The following YIPF7 variants were observed in gnomAD, a reference collection of about 807,000 sequenced individuals.
The protein encoded by YIPF7 is Yip1 domain family member 7, also known as protein YIPF7.
A neutral mutation model predicts 27.2 loss-of-function variants in YIPF7; 35 were observed. The ratio of observed to expected loss-of-function variants is 1.29; its 90% CI spans 0.98 to 1.70. YIPF7 has a LOEUF of 1.70. Among genes scored for constraint, YIPF7 ranks in the 40% most tolerant of loss-of-function variants. The pLI is 0.00. For synonymous variants in YIPF7, 137 were observed against 110.4 expected (o/e 1.24, Z -1.51); for missense variants, 358 against 303.7 (o/e 1.18, Z -1.33).
upstream of YIPF7, among the ~76,000 whole-genome samples, chr4:44,655,711 G>A (rs189072226): frequency 5.9e-5 from 9 of 152,016 alleles, no homozygotes; most frequent in Admixed American, 2.0e-4. Flanking sequence ...ATTGTTTTCC[G>A]TTATTTTTAA....
chr4:44,630,779 G>A (rs570493364), intron 3 of YIPF7, among the ~76,000 whole-genome samples: 45 of 152,142 alleles, frequency 3.0e-4, no homozygotes, highest in African/African-American at 8.7e-4. Flanking sequence ...GACATCCCCT[G>A]AACATAGAAA....
chr4:44,647,270 A>C (rs1713560190), intron 2 of YIPF7, among the ~76,000 whole-genome samples: 1 of 152,158 alleles, frequency 6.6e-6, no homozygotes, highest in South Asian at 2.1e-4. Context: ...TGGAAAAAGA[A>C]AATTGGAGTG....
chr4:44,645,524 T>A (rs1014284206), intron 2 of YIPF7, among the ~76,000 whole-genome samples: 2 of 152,164 alleles, frequency 1.3e-5, no homozygotes, highest in African/African-American at 4.8e-5. Flanking sequence ...TATTTGTACC[T>A]CACACACAAT....
upstream of YIPF7, among the ~76,000 whole-genome samples, chr4:44,656,062 T>C (rs1303980069): frequency 6.6e-6 from 1 of 152,084 alleles, no homozygotes; most frequent in African/African-American, 2.4e-5. Context: ...CAGAAAACAT[T>C]GCATTCTAGC....
At chr4:44,624,307 G>A (rs1393814377) in intron 5 of YIPF7, among the ~76,000 whole-genome samples, 5 of 151,970 alleles carry the variant, frequency 3.3e-5, no homozygotes, top group South Asian at 2.1e-4. Context: ...CAGGTGATTC[G>A]CCCACCTCGG....
At chr4:44,648,528 T>C (rs1218746703) in intron 2 of YIPF7, among the ~76,000 whole-genome samples, 1 of 152,136 alleles carries the variant, frequency 6.6e-6, no homozygotes, top group Non-Finnish European at 1.5e-5. Context: ...AAAAACTCAA[T>C]ATATTGTATA....
chr4:44,636,006 A>T lies in YIPF7; in HGVS notation c.196T>A (p.Phe66Ile). 6.2e-7 allele frequency: 1 copy of T among 1,613,928 alleles called. No individual in the cohort carries two copies. Among genetic ancestry groups the T allele is most frequent in the Non-Finnish European group, 8.5e-7 (1 of 1,179,856 alleles). The change falls in exon 3 of 6, where the codon TTT (phenylalanine) becomes ATT (isoleucine). Residue 66 changes from phenylalanine to isoleucine, a missense_variant. Phe to Ile is a conservative substitution (Grantham distance 21). Transcript: ENST00000415895. ...TCTGAGTTGGATGCTGGCTGAAAAA[A>T]TTGTCCTGCGTAACCCGATGACATG... ...MLMSSGYAGQ[F>I]FQPASNSDYY...
At chr4:44,632,159 G>A (rs1712923633) in intron 3 of YIPF7, among the ~76,000 whole-genome samples, 1 of 151,808 alleles carries the variant, frequency 6.6e-6, no homozygotes, top group Non-Finnish European at 1.5e-5. Context: ...ATAATATTGT[G>A]GTTTTTATTT....
At chr4:44,658,896 T>G (rs1469832387) in intron 2 of YIPF7, among the ~76,000 whole-genome samples, 2 of 152,182 alleles carry the variant, frequency 1.3e-5, no homozygotes, top group African/African-American at 4.8e-5. Flanking sequence ...CATCACCCAC[T>G]GGGTCCCTCC....
chr4:44,633,097 G>C (rs894973983), intron 3 of YIPF7, among the ~76,000 whole-genome samples: 1 of 152,156 alleles, frequency 6.6e-6, no homozygotes, highest in African/African-American at 2.4e-5. Flanking sequence ...CTGCACGCTT[G>C]TTATGAGAAT....
Position 44,635,980 on chromosome 4 carries a change from A to T in YIPF7, c.222T>A (p.Asp74Glu). 1 of 1,613,932 alleles carries T rather than the reference A, an allele frequency of 6.2e-7. No individual in the cohort carries two copies. The highest frequency in any genetic ancestry group is 2.2e-5 in the East Asian group (1 of 44,870). Residue 74 changes from aspartate (D) to glutamate (E), a missense_variant, in exon 3 of 6, where the codon GAT becomes GAA. Physicochemically the swap from Asp to Glu is conservative, Grantham distance 45. Coordinates refer to ENST00000415895, the MANE Select transcript of YIPF7 (RefSeq NM_182592.3). Reference protein sequence around the residue: ...GQFFQPASNSDYYSQSPYIDS... With the variant: ...GQFFQPASNSEYYSQSPYIDS... ...CAATGTAAGGAGATTGTGAATAATAATCTGAGTTGGATGCTGGCTGAAAAA... is the reference window on the plus strand; with the variant it reads ...CAATGTAAGGAGATTGTGAATAATATTCTGAGTTGGATGCTGGCTGAAAAA...
intron 2 of YIPF7, among the ~76,000 whole-genome samples, chr4:44,640,615 C>T (rs1444024859): frequency 2.0e-5 from 3 of 152,196 alleles, no homozygotes; most frequent in Non-Finnish European, 4.4e-5. Context: ...TTACAGCCCC[C>T]AGTCCAGACA....
chr4:44,644,531 T>C (rs1285790197), intron 2 of YIPF7, among the ~76,000 whole-genome samples: 1 of 152,156 alleles, frequency 6.6e-6, no homozygotes, highest in Non-Finnish European at 1.5e-5. Flanking sequence ...GGCCAATTTA[T>C]CCCTTTTAGA....
At chr4:44,657,220 T>C (rs947189249) in intron 2 of YIPF7, among the ~76,000 whole-genome samples, 1 of 152,226 alleles carries the variant, frequency 6.6e-6, no homozygotes, top group Non-Finnish European at 1.5e-5. Flanking sequence ...AGAGTATCTC[T>C]ACCTTCTTTC....
chr4:44,624,866 T>C, intron 4 of YIPF7, 84 bp from the exon 5 acceptor site: 1 of 1,319,324 alleles, frequency 7.6e-7, no homozygotes, highest in Non-Finnish European at 1.0e-6. Context: ...GAGAGCATCT[T>C]AGAGTCAGTT....
intron 2 of YIPF7, among the ~76,000 whole-genome samples, chr4:44,646,908 T>A (rs189783502): frequency 6.6e-6 from 1 of 152,288 alleles, no homozygotes; most frequent in African/African-American, 2.4e-5. Context: ...AGGATGATCA[T>A]CATCTTGTTC....
intron 2 of YIPF7, among the ~76,000 whole-genome samples, chr4:44,647,148 T>C (rs1279821081): frequency 2.0e-5 from 3 of 152,282 alleles, no homozygotes; most frequent in South Asian, 2.1e-4. Flanking sequence ...GCTAAGCATC[T>C]GAAGCAGGGA....
rs182873860 is a variant in YIPF7, at chr4:44,622,624, T to C, written c.609-48A>G. On this transcript the variant is annotated intron_variant, in intron 5 of 5. Transcript: ENST00000415895. ...ATTGCCTGTGCCAGTAGAAAAGAGA[T>C]TATTGAGTTAAAGTTGCCTCTGAAA... The C allele has an allele frequency of 4.2e-5, 67 of 1,595,516 alleles. No homozygotes were observed. The African/African-American group carries it at 7.4e-4, about 18-fold the overall frequency.
At chr4:44,654,102 T>C (rs963400038), upstream of YIPF7, among the ~76,000 whole-genome samples, 5 of 152,070 alleles carry the variant, frequency 3.3e-5, no homozygotes, top group Non-Finnish European at 2.9e-5. Context: ...TCAGCCTCTT[T>C]AGAAGTGCAT....
Sources: gnomAD v4.1 joint callset for allele counts (sites outside exome capture counted in the v4.1 genomes callset) on GRCh38, gnomAD v4.1.1 for gene constraint, MANE v1.5 for transcripts, NCBI Gene and HGNC (gene_info 2026-07-23, HGNC 2026-07-21) for gene names.